Variants in KDM4C observed in about 807,000 individuals in gnomAD.
KDM4C encodes the protein lysine-specific demethylase 4C.
Under a neutral mutation model 129.3 loss-of-function variants are expected in KDM4C, and 81 were observed. The ratio of observed to expected loss-of-function variants is 0.63; its 90% CI spans 0.52 to 0.75. The LOEUF (loss-of-function observed/expected upper bound fraction) is 0.75, where lower values mean the gene tolerates loss of function less well. KDM4C is among the 30% of genes least tolerant of loss of function. The pLI, the probability that KDM4C is intolerant of heterozygous loss-of-function variation, is 0.00. For synonymous variants in KDM4C, 573 were observed against 456.1 expected (o/e 1.26, Z -3.26); for missense variants, 1,457 against 1,304.0 (o/e 1.12, Z -1.81).
intron 1 of KDM4C, chr9:6,748,630 G>A: frequency 1.3e-6 from 1 of 796,694 alleles, no homozygotes; most frequent in Admixed American, 1.8e-5. Flanking sequence ...ATGAATAAAT[G>A]TTCATATTGG....
chr9:7,130,684 C>G (rs10976057), intron 19 of KDM4C, among the ~76,000 whole-genome samples: 29,548 of 152,170 alleles, frequency 0.19, 2,927 homozygotes, highest in East Asian at 0.28. Context: ...GGGGCAGGTA[C>G]CATGGAGTGG....
At chr9:7,099,607 C>A (rs1441843842) in intron 17 of KDM4C, among the ~76,000 whole-genome samples, 1 of 152,228 alleles carries the variant, frequency 6.6e-6, no homozygotes, top group Non-Finnish European at 1.5e-5. Flanking sequence ...CACTTTTTAA[C>A]CCTGTAGCCT....
At chr9:6,952,383 T>A (rs973531007) in intron 8 of KDM4C, among the ~76,000 whole-genome samples, 1 of 148,530 alleles carries the variant, frequency 6.7e-6, no homozygotes, top group South Asian at 2.1e-4. Flanking sequence ...CTTACTGATA[T>A]GGGAAATTGT....
chr9:6,740,779 A>G (rs1483139542), intron 1 of KDM4C, among the ~76,000 whole-genome samples: 1 of 149,562 alleles, frequency 6.7e-6, no homozygotes, highest in East Asian at 2.0e-4. Context: ...TCAGCCTCCC[A>G]AAGTGCTGGG....
At chr9:6,974,378 G>T (rs372343175) in intron 8 of KDM4C, among the ~76,000 whole-genome samples, 10 of 152,232 alleles carry the variant, frequency 6.6e-5, no homozygotes, top group African/African-American at 2.2e-4. Context: ...TCTTTCTTTT[G>T]AGACGGAGTC....
At chr9:7,123,772 A>C (rs1839750772) in intron 18 of KDM4C, among the ~76,000 whole-genome samples, 2 of 152,262 alleles carry the variant, frequency 1.3e-5, no homozygotes, top group Non-Finnish European at 2.9e-5. Context: ...CTTCCTGGGG[A>C]CAATAGCCAT....
chr9:6,967,427 A>G (rs1346756754), intron 8 of KDM4C, among the ~76,000 whole-genome samples: 3 of 151,942 alleles, frequency 2.0e-5, no homozygotes, highest in Non-Finnish European at 4.4e-5. Flanking sequence ...CCACTAAAAA[A>G]AAAAAAAAAA....
intron 5 of KDM4C, among the ~76,000 whole-genome samples, chr9:6,853,207 C>G (rs7031770): frequency 0.13 from 20,368 of 152,036 alleles, 1,866 homozygotes; most frequent in African/African-American, 0.25. Flanking sequence ...TCTTTTCTAG[C>G]CCAGGTGCGG....
chr9:6,979,822 T>C (rs1816451594), intron 8 of KDM4C, among the ~76,000 whole-genome samples: 1 of 152,010 alleles, frequency 6.6e-6, no homozygotes, highest in South Asian at 2.1e-4. Flanking sequence ...TTTTTAGGGG[T>C]GAAGACATAG....
In KDM4C at chr9:6,818,001, G is replaced by C. The variant is rs561408265; in HGVS notation, c.435+3256G>C. ...AGGTTGGTCTCAATCTCCTGACCTT[G>C]TGATCTGCCTACCTCAGCCTTCCAA... On this transcript the variant is annotated intron_variant, in intron 4 of 21. Coordinates refer to ENST00000381309, the MANE Select transcript of KDM4C (RefSeq NM_015061.6). Among the ~76,000 whole-genome samples, 294 of 152,188 alleles carry C rather than the reference G, an allele frequency of 1.9e-3. 2 individuals carry two copies. The highest frequency in any genetic ancestry group is 6.8e-3 in the Middle Eastern group (2 of 294).
intron 20 of KDM4C, among the ~76,000 whole-genome samples, chr9:7,166,035 C>G (rs1844346914): frequency 6.6e-6 from 1 of 152,136 alleles, no homozygotes; most frequent in Admixed American, 6.5e-5. Context: ...ACATGGATAG[C>G]ACGTGCACAT....
intron 17 of KDM4C, among the ~76,000 whole-genome samples, chr9:7,065,857 G>T (rs78971659): frequency 6.6e-6 from 1 of 152,114 alleles, no homozygotes; most frequent in South Asian, 2.1e-4. Context: ...AGTGTGAAAT[G>T]TAATAAGTCA....
intron 12 of KDM4C, among the ~76,000 whole-genome samples, chr9:6,997,330 A>G (rs1052445106): frequency 6.6e-6 from 1 of 152,240 alleles, no homozygotes; most frequent in African/African-American, 2.4e-5. Flanking sequence ...CTGGAGCCTT[A>G]AAAGCCTACA....
intron 4 of KDM4C, among the ~76,000 whole-genome samples, chr9:6,824,034 G>A (rs1470336234): frequency 6.6e-6 from 1 of 152,200 alleles, no homozygotes; most frequent in African/African-American, 2.4e-5. Context: ...CAACTTAGCT[G>A]CAGACTATAT....
intron 15 of KDM4C, among the ~76,000 whole-genome samples, chr9:7,022,905 C>T (rs1825130556): frequency 1.3e-5 from 2 of 152,108 alleles, no homozygotes; most frequent in Non-Finnish European, 2.9e-5. Context: ...TTGCAGTGAT[C>T]ATACGGTTTT....
At chr9:7,078,283 C>G (rs2132905177) in intron 17 of KDM4C, among the ~76,000 whole-genome samples, 1 of 151,952 alleles carries the variant, frequency 6.6e-6, no homozygotes, top group Non-Finnish European at 1.5e-5. Context: ...AATATTAAAT[C>G]AGATAAAATG....
intron 4 of KDM4C, chr9:6,835,082 A>T (rs941710934): frequency 7.1e-6 from 7 of 990,162 alleles, no homozygotes; most frequent in Admixed American, 3.4e-5. Context: ...ATCGTGCGTG[A>T]CATCAAGGAG....
intron 19 of KDM4C, among the ~76,000 whole-genome samples, chr9:7,132,316 C>G (rs16925444): frequency 0.04 from 6,157 of 152,202 alleles, 421 homozygotes; most frequent in African/African-American, 0.14. Flanking sequence ...GCTGGCCTAT[C>G]CATGTTTGAG....
chr9:7,070,755 A>G (rs970727040), intron 17 of KDM4C, among the ~76,000 whole-genome samples: 1 of 152,212 alleles, frequency 6.6e-6, no homozygotes, highest in Non-Finnish European at 1.5e-5. Context: ...AACATTAGAC[A>G]TAATGGTGAT....
Sources: gnomAD v4.1 joint callset for allele counts (sites outside exome capture counted in the v4.1 genomes callset) on GRCh38, gnomAD v4.1.1 for gene constraint, MANE v1.5 for transcripts, NCBI Gene and HGNC (gene_info 2026-07-23, HGNC 2026-07-21) for gene names.